CHRNB1: variants seen among roughly 807,000 people sequenced by gnomAD.
CHRNB1 encodes the protein cholinergic receptor nicotinic beta 1 subunit.
Under a neutral mutation model 53.8 loss-of-function variants are expected in CHRNB1, and 47 were observed. The observed-to-expected ratio is 0.87, with a 90% CI of 0.69 to 1.11. CHRNB1 has a LOEUF of 1.11. Among genes scored for constraint, CHRNB1 ranks in the 50% most tolerant of loss-of-function variants. The pLI is 0.00. For synonymous variants in CHRNB1, 259 were observed against 263.5 expected (o/e 0.98, Z 0.16); for missense variants, 605 against 654.9 (o/e 0.92, Z 0.83).
Position 7,454,622 on chromosome 17 carries a change from GT to G in CHRNB1, c.1044+104del, listed in dbSNP as rs368084123. ...GTTGAAGTGTCCAAGCTTGTTGAGT[GT>G]TGAAATGTTGCACAGTTAAGCTAGC... On this transcript the variant is annotated intron_variant, in intron 8 of 10. Transcript: ENST00000306071. The G allele has an allele frequency of 5.4e-4, 496 of 917,958 alleles. 3 individuals carry two copies. The African/African-American group carries it at 7.4e-3, about 14-fold the overall frequency. 56.9% of individuals were successfully genotyped at this position (917,958 alleles called of 1,614,324 possible).
At chr17:7,454,793 G>GTTTT (rs1909013560) in intron 8 of CHRNB1, among the ~76,000 whole-genome samples, 1 of 113,328 alleles carries the variant, frequency 8.8e-6, no homozygotes, top group Admixed American at 1.1e-4. Context: ...CCACTAAATA[G>GTTTT]CTTTTTTTTT....
Position 7,454,283 on chromosome 17 carries a change from C to A in CHRNB1, c.821-14C>A. 6.3e-7 allele frequency: 1 copy of A among 1,595,710 alleles called. No individual in the cohort carries two copies. The highest frequency in any genetic ancestry group is 8.6e-7 in the Non-Finnish European group (1 of 1,163,154). ...GCAAGTCTAATCCTTCTCTCTTCCC[C>A]TCTGCCCTCCAAGGAGAGAAGATGG... On this transcript the variant is annotated splice_polypyrimidine_tract_variant and intron_variant, in intron 7 of 10. Transcript: ENST00000306071.
At chr17:7,451,311 C>T (rs1323469670) in intron 7 of CHRNB1, among the ~76,000 whole-genome samples, 1 of 119,922 alleles carries the variant, frequency 8.3e-6, no homozygotes, top group African/African-American at 3.3e-5. Flanking sequence ...GAGTCTTGCT[C>T]TGTCTCCCAG....
intron 10 of CHRNB1, 108 bp downstream of exon 10, chr17:7,456,049 C>CTTTTTTTTTTTTTTTT (rs528936191): frequency 2.4e-6 from 1 of 409,734 alleles, no homozygotes; most frequent in African/African-American, 3.7e-5. Context: ...TTTTTTTTGG[C>CTTTTTTTTTTTTTTTT]TTTTTTTTTT....
rs765236873 is a variant in CHRNB1, at chr17:7,445,294, G to A, written c.83G>A (p.Gly28Asp). Residue 28 changes from glycine to aspartate, a missense_variant, in exon 2 of 11, where the codon GGT becomes GAT. By Grantham distance (94) the Gly-to-Asp change is moderately conservative (BLOSUM62 -1). Coordinates refer to ENST00000306071, the MANE Select transcript of CHRNB1 (RefSeq NM_000747.3). This position sits in a 1 kb window ranked among gnomAD's most constrained non-coding sequence, Gnocchi z 5.7. Reference protein sequence around the residue: ...APGVRGSEAEGRLREKLFSGY... With the variant: ...APGVRGSEAEDRLREKLFSGY... ...GGCGTCCGCGGCTCGGAGGCGGAGG[G>A]TCGACTCCGGGAGAAACTTTTCTCT... 1 of 1,612,778 alleles carries A rather than the reference G, an allele frequency of 6.2e-7. No individual in the cohort carries two copies. The highest frequency in any genetic ancestry group is 8.5e-7 in the Non-Finnish European group (1 of 1,179,780).
chr17:7,454,938 G>C (rs35479031), intron 8 of CHRNB1, among the ~76,000 whole-genome samples: 2,071 of 151,576 alleles, frequency 0.014, 28 homozygotes, highest in Non-Finnish European at 0.018. Context: ...AAGTAGCTGG[G>C]ATTACAGGCA....
chr17:7,446,333 G>GTCTC (rs530951665), intron 3 of CHRNB1: 4 of 253,990 alleles, frequency 1.6e-5, no homozygotes, highest in Non-Finnish European at 3.1e-5. Context: ...GTGTCTGTGT[G>GTCTC]TGTGTGTGTG....
At chr17:7,449,172 C>T (rs951161124) in intron 7 of CHRNB1, among the ~76,000 whole-genome samples, 1 of 146,754 alleles carries the variant, frequency 6.8e-6, no homozygotes, top group Non-Finnish European at 1.5e-5. Flanking sequence ...GGTGCAATCT[C>T]GGCTCACTGC....
intron 7 of CHRNB1, among the ~76,000 whole-genome samples, chr17:7,451,269 CTTTTCTTTTT>C (rs1908875159): frequency 8.1e-6 from 1 of 123,994 alleles, no homozygotes; most frequent in African/African-American, 3.2e-5. Context: ...CTTTTCTTTT[CTTTTCTTTTT>C]TTTTTTTTTT....
intron 7 of CHRNB1, among the ~76,000 whole-genome samples, chr17:7,451,578 G>A (rs1487061374): frequency 1.3e-5 from 2 of 151,934 alleles, no homozygotes; most frequent in East Asian, 3.9e-4. Context: ...ACCCCGCCCA[G>A]CCTGTTATGT....
chr17:7,450,607 C>G (rs1254163109), intron 7 of CHRNB1, among the ~76,000 whole-genome samples: 1 of 152,074 alleles, frequency 6.6e-6, no homozygotes, highest in African/African-American at 2.4e-5. Context: ...TTTTGTTTTT[C>G]TTTTTTGAAC....
At chr17:7,451,269 CTTTTCT>C (rs974039859) in intron 7 of CHRNB1, among the ~76,000 whole-genome samples, 5 of 124,022 alleles carry the variant, frequency 4.0e-5, no homozygotes, top group South Asian at 2.7e-4. Context: ...CTTTTCTTTT[CTTTTCT>C]TTTTTTTTTT....
rs371142002 is a variant in CHRNB1, at chr17:7,454,516, G to A, written c.1040G>A (p.Arg347His). ...ACCCACCAAATGCCCCTTTGGGTCC[G>A]TCAGGTAAGAAAGATCTCCTCCTCC... ...PHTHQMPLWV[R>H]QIFIHKLPLY... The change falls in exon 8 of 11, where the codon CGT (arginine) becomes CAT (histidine). Residue 347 changes from arginine to histidine, a missense_variant. Arg to His is a conservative substitution (Grantham distance 29). Transcript: ENST00000306071. 32 of 1,613,604 alleles carry A rather than the reference G, an allele frequency of 2.0e-5. No individual in the cohort carries two copies. The highest frequency in any genetic ancestry group is 1.3e-4 in the East Asian group (6 of 44,892).
At position 7,445,661 on chromosome 17, in the gene CHRNB1, G is replaced by A. The variant is rs1908575444; in HGVS notation, c.198+252G>A. ...TGATCGGACCTTAAAGTGGGGCTGG[G>A]GACGAGGCAGGGGCTGGGGGACGGA... On this transcript the variant is annotated intron_variant, in intron 2 of 10. Coordinates refer to ENST00000306071, the MANE Select transcript of CHRNB1 (RefSeq NM_000747.3). The surrounding 1 kb of genome is among the most constrained non-coding windows in gnomAD (Gnocchi z 5.7). 6.5e-6 allele frequency: 9 copies of A among 1,378,084 alleles called. No homozygotes were observed. Among genetic ancestry groups the A allele is most frequent in the Non-Finnish European group, 7.6e-6 (8 of 1,047,632 alleles). The allele number at this position is 1,378,084 out of a possible 1,614,324, so 85.4% of individuals were successfully genotyped here.
intron 6 of CHRNB1, 60 bp downstream of exon 6, chr17:7,447,710 A>G: frequency 6.3e-7 from 1 of 1,592,750 alleles, no homozygotes; most frequent in Non-Finnish European, 8.6e-7. Flanking sequence ...TAACAGACTC[A>G]TAAATATACT....
rs766155515 is a variant in CHRNB1 at position 7,447,090 on chromosome 17, C to G, written c.401C>G (p.Ser134Cys). The change falls in exon 5 of 11, where the codon TCC (serine) becomes TGC (cysteine). Residue 134 changes from serine to cysteine, a missense_variant. Transcript: ENST00000306071. ...DVALDISVVV[S>C]SDGSVRWQPP... Reference sequence around the variant, plus strand: ...GCTCTGGACATTAGCGTCGTGGTGTCCTCCGACGGCTCCGTGCGTTGGCAA... The same window carrying G: ...GCTCTGGACATTAGCGTCGTGGTGTGCTCCGACGGCTCCGTGCGTTGGCAA... The G allele has an allele frequency of 5.0e-6, 8 of 1,614,110 alleles. No individual in the cohort carries two copies. In the South Asian group the frequency reaches 8.8e-5, roughly 18 times the overall value.
chr17:7,456,937 G>A lies in CHRNB1; in HGVS notation c.*214G>A, dbSNP rs1327330420. ...CATCTGATTTACTCTTTGGGATCTTGAAGAAGCTCTTTTGGGTATCAACAC... is the reference window on the plus strand; with the variant it reads ...CATCTGATTTACTCTTTGGGATCTTAAAGAAGCTCTTTTGGGTATCAACAC... On this transcript the variant is annotated 3_prime_UTR_variant, in exon 11 of 11. Transcript: ENST00000306071. The A allele has an allele frequency of 4.9e-6, 3 of 609,408 alleles. No individual in the cohort carries two copies. The highest frequency in any genetic ancestry group is 8.6e-6 in the Non-Finnish European group (3 of 349,234). 37.8% of individuals were successfully genotyped at this position (609,408 alleles called of 1,614,324 possible).
chr17:7,456,432 T>C, intron 10 of CHRNB1, 151 bp from the exon 11 acceptor site: 1 of 917,000 alleles, frequency 1.1e-6, no homozygotes, highest in Non-Finnish European at 1.8e-6. Context: ...TGCCCATGCA[T>C]TGCCTGCAGT....
chr17:7,454,651 C>CCATCATTA (rs1909007915), intron 8 of CHRNB1, 131 bp downstream of exon 8: 8 of 740,422 alleles, frequency 1.1e-5, no homozygotes, highest in Non-Finnish European at 1.9e-5. Flanking sequence ...AAGCTAGCCC[C>CCATCATTA]CATCATTATC....
Sources: allele counts gnomAD v4.1 joint callset (sites outside exome capture counted in the v4.1 genomes callset), GRCh38; gene constraint gnomAD v4.1.1; non-coding constraint Gnocchi (gnomAD v3.1); transcripts MANE v1.5; gene names NCBI Gene and HGNC (gene_info 2026-07-23, HGNC 2026-07-21).